RALGPS2: variants seen among roughly 807,000 people sequenced by gnomAD.
RALGPS2 encodes Ral GEF with PH domain and SH3 binding motif 2, also known as ras-specific guanine nucleotide-releasing factor RalGPS2.
Under a neutral mutation model 86.8 loss-of-function variants are expected in RALGPS2, and 43 were observed. That is an observed-to-expected ratio of 0.50 (90% CI 0.39 to 0.64). The LOEUF is 0.64. RALGPS2 is among the 30% of genes least tolerant of loss of function. RALGPS2 has a pLI of 0.00. For missense variants in RALGPS2, 536 were observed against 694.6 expected (o/e 0.77, Z 2.57); for synonymous variants, 243 against 231.3 (o/e 1.05, Z -0.46).
chr1:178,759,110 T>G (rs547779504), intron 1 of RALGPS2, among the ~76,000 whole-genome samples: 3 of 152,282 alleles, frequency 2.0e-5, no homozygotes, highest in African/African-American at 7.2e-5. Flanking sequence ...TTTGGTTGCC[T>G]GTGCTTGTGG....
At chr1:178,779,190 G>A (rs1653256117) in intron 2 of RALGPS2, among the ~76,000 whole-genome samples, 1 of 152,134 alleles carries the variant, frequency 6.6e-6, no homozygotes, top group African/African-American at 2.4e-5. Context: ...ATGTAGTTTA[G>A]CATTTAAGAT....
At chr1:178,826,836 G>A (rs1655767865) in intron 7 of RALGPS2, among the ~76,000 whole-genome samples, 1 of 152,078 alleles carries the variant, frequency 6.6e-6, no homozygotes, top group Non-Finnish European at 1.5e-5. Flanking sequence ...ACAATAAGTG[G>A]AATAAAATGT....
At chr1:178,825,154 A>G (rs1655692305) in intron 7 of RALGPS2, among the ~76,000 whole-genome samples, 1 of 152,142 alleles carries the variant, frequency 6.6e-6, no homozygotes, top group African/African-American at 2.4e-5. Context: ...CAGCAGAGTT[A>G]TGTATTCTCC....
At chr1:178,848,373 T>C (rs998413532) in intron 8 of RALGPS2, among the ~76,000 whole-genome samples, 5 of 151,904 alleles carry the variant, frequency 3.3e-5, no homozygotes, top group African/African-American at 1.2e-4. Flanking sequence ...TAAGAGAAGG[T>C]TGTAGTTCAG....
intron 7 of RALGPS2, among the ~76,000 whole-genome samples, chr1:178,822,669 A>AG (rs1159678114): frequency 6.6e-6 from 1 of 152,120 alleles, no homozygotes; most frequent in Non-Finnish European, 1.5e-5. Context: ...TCTATTTTAT[A>AG]GAAAAACCTT....
At chr1:178,871,740 T>C (rs992816014) in intron 8 of RALGPS2, among the ~76,000 whole-genome samples, 1 of 152,170 alleles carries the variant, frequency 6.6e-6, no homozygotes, top group Non-Finnish European at 1.5e-5. Flanking sequence ...CTCCTCTCTG[T>C]AAAAGGTCAT....
At chr1:178,777,573 C>T (rs1463648014) in intron 2 of RALGPS2, among the ~76,000 whole-genome samples, 37 of 151,364 alleles carry the variant, frequency 2.4e-4, no homozygotes, top group Non-Finnish European at 4.6e-4. Flanking sequence ...AAAAAAGAGC[C>T]TGCATCGCCA....
Position 178,784,535 on chromosome 1 carries a change from C to CCT in RALGPS2, c.162+16_162+17dup. On this transcript the variant is annotated intron_variant, in intron 3 of 19. Transcript: ENST00000367635. ...AGAAGAATATGCGGTAAGCCTCCTA[C>CCT]CTCTGTCTTCTCCGGTTTTGCACAT... The CCT allele has an allele frequency of 6.5e-7, 1 of 1,544,334 alleles. No individual in the cohort carries two copies. Among genetic ancestry groups the CCT allele is most frequent in the East Asian group, 2.3e-5 (1 of 43,928 alleles).
chr1:178,741,734 T>A (rs532670697), intron 1 of RALGPS2, among the ~76,000 whole-genome samples: 2 of 151,672 alleles, frequency 1.3e-5, no homozygotes, highest in Non-Finnish European at 2.9e-5. Context: ...GAAGAAAGCA[T>A]AAAAAGAGAA....
chr1:178,726,187 C>T (rs1649990698), intron 1 of RALGPS2: 1 of 152,266 alleles, frequency 6.6e-6, no homozygotes, highest in African/African-American at 2.4e-5. Flanking sequence ...TCCGGAATTC[C>T]ATTGCAGTAT....
chr1:178,864,122 G>T (rs1386261505), intron 8 of RALGPS2, among the ~76,000 whole-genome samples: 2 of 152,066 alleles, frequency 1.3e-5, no homozygotes, highest in Non-Finnish European at 2.9e-5. Flanking sequence ...ACTGAATTCA[G>T]AAAGTTAGCA....
intron 18 of RALGPS2, 47 bp downstream of exon 18, chr1:178,902,258 G>A: frequency 7.1e-7 from 1 of 1,408,028 alleles, no homozygotes; most frequent in Non-Finnish European, 1.0e-6. Flanking sequence ...GTATGTGTTT[G>A]TGTATATGTA....
intron 3 of RALGPS2, 122 bp downstream of exon 3, chr1:178,784,644 T>C (rs1653559259): frequency 1.6e-6 from 1 of 632,020 alleles, no homozygotes; most frequent in South Asian, 3.7e-5. Flanking sequence ...TGGGAATTAT[T>C]GGGGAAAATA....
intron 8 of RALGPS2, among the ~76,000 whole-genome samples, chr1:178,854,344 G>T (rs1374593185): frequency 2.6e-5 from 4 of 152,122 alleles, no homozygotes; most frequent in African/African-American, 9.7e-5. Context: ...CTAGTACCTT[G>T]AGATACTCAT....
chr1:178,737,074 T>G (rs948204270), intron 1 of RALGPS2, among the ~76,000 whole-genome samples: 1 of 152,240 alleles, frequency 6.6e-6, no homozygotes, highest in Non-Finnish European at 1.5e-5. Flanking sequence ...GTTACCCAAC[T>G]TACTGTATTT....
At chr1:178,915,514 C>T (rs1346684515) in intron 19 of RALGPS2, among the ~76,000 whole-genome samples, 1 of 152,180 alleles carries the variant, frequency 6.6e-6, no homozygotes, top group Non-Finnish European at 1.5e-5. Flanking sequence ...GGATTATAGG[C>T]GTGAGCCACC....
At chr1:178,819,606 A>G (rs576275848) in intron 6 of RALGPS2, among the ~76,000 whole-genome samples, 15 of 152,330 alleles carry the variant, frequency 9.8e-5, no homozygotes, top group African/African-American at 3.6e-4. Context: ...TGTTCAGCTT[A>G]CATCTCTGGA....
At chr1:178,872,831 G>A (rs1463493423) in intron 8 of RALGPS2, among the ~76,000 whole-genome samples, 1 of 152,180 alleles carries the variant, frequency 6.6e-6, no homozygotes, top group Admixed American at 6.5e-5. Flanking sequence ...ATTATGGTTA[G>A]ATATGTTAAA....
chr1:178,909,394 A>G (rs185216224), intron 19 of RALGPS2, among the ~76,000 whole-genome samples: 8 of 152,156 alleles, frequency 5.3e-5, no homozygotes, highest in African/African-American at 1.9e-4. Flanking sequence ...TGCTTTAGCT[A>G]TTTGGGCTTT....
Sources: gnomAD v4.1 joint callset for allele counts (sites outside exome capture counted in the v4.1 genomes callset) on GRCh38, gnomAD v4.1.1 for gene constraint, MANE v1.5 for transcripts, NCBI Gene and HGNC (gene_info 2026-07-23, HGNC 2026-07-21) for gene names.